The following CEP128 variants were observed in gnomAD, a reference collection of about 807,000 sequenced individuals.
The protein encoded by CEP128 is centrosomal protein 128.
In CEP128, 132 loss-of-function variants were observed where a neutral mutation model predicts 156.7. That is an observed-to-expected ratio of 0.84 (90% CI 0.73 to 0.97). The LOEUF is 0.97. Among genes scored for constraint, CEP128 ranks in the 50% least tolerant of loss-of-function variants. The pLI is 0.00. For synonymous variants in CEP128, 469 were observed against 448.9 expected (o/e 1.04, Z -0.57); for missense variants, 1,252 against 1,281.9 (o/e 0.98, Z 0.36).
At chr14:80,570,453 G>A (rs1479363928) in intron 20 of CEP128, among the ~76,000 whole-genome samples, 1 of 152,020 alleles carries the variant, frequency 6.6e-6, no homozygotes, top group Non-Finnish European at 1.5e-5. Context: ...AAAACTTCCA[G>A]TAGGAGGATA....
intron 23 of CEP128, chr14:80,514,715 C>A: frequency 2.6e-6 from 1 of 389,426 alleles, no homozygotes; most frequent in Non-Finnish European, 5.2e-6. Flanking sequence ...CAGTATCAGT[C>A]TCTGGTGTGT....
At chr14:80,820,251 G>A (rs748784034) in intron 13 of CEP128, among the ~76,000 whole-genome samples, 7 of 151,962 alleles carry the variant, frequency 4.6e-5, no homozygotes, top group East Asian at 3.9e-4. Context: ...GTTTTTTCTC[G>A]TGCCTTTTGG....
intron 9 of CEP128, among the ~76,000 whole-genome samples, chr14:80,854,807 G>A (rs565496293): frequency 5.9e-5 from 9 of 152,072 alleles, no homozygotes; most frequent in South Asian, 2.1e-4. Context: ...ACTACTTAAC[G>A]TATTAAACAA....
At position 80,914,200 on chromosome 14, in the gene CEP128, T is replaced by A; in HGVS notation, c.234+122A>T. The stretch of plus-strand genomic sequence containing the variant: ...TAAACTTAAACTATAAAATAATAAA[T>A]CAGTTTAAAATCTAAAGCACTTCAC... On this transcript the variant is annotated intron_variant, in intron 4 of 24. Transcript: ENST00000555265. 7.7e-6 allele frequency: 5 copies of A among 645,512 alleles called. 1 individual carries two copies. In the South Asian group the frequency reaches 9.7e-5, roughly 13 times the overall value. The allele number at this position is 645,512 out of a possible 1,614,324, so 40.0% of individuals were successfully genotyped here.
chr14:80,573,910 G>A (rs1201495382), intron 20 of CEP128, among the ~76,000 whole-genome samples: 1 of 152,110 alleles, frequency 6.6e-6, no homozygotes, highest in African/African-American at 2.4e-5. Context: ...TTTTGTTTAT[G>A]CCATTGCTTA....
downstream of CEP128, among the ~76,000 whole-genome samples, chr14:80,488,539 C>A: frequency 6.6e-6 from 1 of 151,598 alleles, no homozygotes; most frequent in Admixed American, 6.6e-5. Flanking sequence ...GTTGGTGGGA[C>A]TGTAAACTAG....
intron 13 of CEP128, 55 bp from the exon 14 acceptor site, chr14:80,793,165 G>T: frequency 7.4e-7 from 1 of 1,347,440 alleles, no homozygotes; most frequent in Non-Finnish European, 1.0e-6. Flanking sequence ...AATTGGATGT[G>T]TAGCATATCA....
chr14:80,666,622 C>T (rs1199558782), intron 19 of CEP128, among the ~76,000 whole-genome samples: 1 of 151,262 alleles, frequency 6.6e-6, no homozygotes, highest in Non-Finnish European at 1.5e-5. Context: ...TGAGAGCCTA[C>T]TGCATAAATA....
At chr14:80,864,236 C>T (rs1887659652) in intron 8 of CEP128, among the ~76,000 whole-genome samples, 1 of 152,122 alleles carries the variant, frequency 6.6e-6, no homozygotes, top group Admixed American at 6.5e-5. Flanking sequence ...GGCTTCCTGT[C>T]AACAGTAGGC....
At chr14:80,645,576 T>C (rs1894599270) in intron 19 of CEP128, among the ~76,000 whole-genome samples, 1 of 152,106 alleles carries the variant, frequency 6.6e-6, no homozygotes, top group Non-Finnish European at 1.5e-5. Context: ...CACCAAAAGC[T>C]GGTGAGGATG....
chr14:80,822,841 C>T (rs985739620), intron 13 of CEP128: 6 of 707,648 alleles, frequency 8.5e-6, no homozygotes, highest in Non-Finnish European at 1.6e-5. Context: ...GTTGACTGCA[C>T]AGTTTGAAAT....
At chr14:80,534,091 T>C (rs1156580487) in intron 21 of CEP128, among the ~76,000 whole-genome samples, 3 of 152,228 alleles carry the variant, frequency 2.0e-5, no homozygotes, top group Non-Finnish European at 4.4e-5. Flanking sequence ...TCAGGTCTCA[T>C]AATTTCATGA....
At chr14:80,948,203 A>T (rs1019750702) in intron 2 of CEP128, among the ~76,000 whole-genome samples, 1 of 152,220 alleles carries the variant, frequency 6.6e-6, no homozygotes, top group African/African-American at 2.4e-5. Context: ...ATGGTTGTTG[A>T]CTTTTTCTAC....
upstream of CEP128, among the ~76,000 whole-genome samples, chr14:80,942,764 C>G (rs1886219337): frequency 6.6e-6 from 1 of 152,078 alleles, no homozygotes; most frequent in African/African-American, 2.4e-5. Flanking sequence ...TTGCCCTTCT[C>G]CGTTCATATC....
chr14:80,734,276 A>C (rs1299298622), intron 19 of CEP128, among the ~76,000 whole-genome samples: 39 of 152,154 alleles, frequency 2.6e-4, no homozygotes, highest in Admixed American at 2.5e-3. Context: ...ATGAATACAG[A>C]ATAATAAAAC....
intron 19 of CEP128, among the ~76,000 whole-genome samples, chr14:80,632,251 C>T (rs910257134): frequency 6.6e-6 from 1 of 151,672 alleles, no homozygotes; most frequent in Middle Eastern, 3.5e-3. Context: ...ATTTTCCTGT[C>T]TTTTAGTATT....
intron 23 of CEP128, among the ~76,000 whole-genome samples, chr14:80,519,642 T>C (rs900992479): frequency 2.6e-5 from 4 of 152,232 alleles, no homozygotes; most frequent in Admixed American, 1.3e-4. Context: ...GCTTTATTCC[T>C]ATCTGAAAGT....
chr14:80,956,225 G>C (rs1886672488), intron 2 of CEP128, among the ~76,000 whole-genome samples: 1 of 152,138 alleles, frequency 6.6e-6, no homozygotes, highest in Non-Finnish European at 1.5e-5. Context: ...ATCTTACCTT[G>C]GGTAATAAAA....
At chr14:80,533,377 CAAGG>C (rs1889320820) in intron 21 of CEP128, among the ~76,000 whole-genome samples, 1 of 151,960 alleles carries the variant, frequency 6.6e-6, no homozygotes, top group Non-Finnish European at 1.5e-5. Context: ...TCTTCTGAAC[CAAGG>C]TTAAGTAAGT....
Sources: allele counts gnomAD v4.1 joint callset (sites outside exome capture counted in the v4.1 genomes callset), GRCh38; gene constraint gnomAD v4.1.1; transcripts MANE v1.5; gene names NCBI Gene and HGNC (gene_info 2026-07-23, HGNC 2026-07-21).